Variants in RIMBP2 observed in about 807,000 individuals in gnomAD.
RIMBP2 encodes RIMS binding protein 2, also known as RIMS-binding protein 2.
In RIMBP2, 48 loss-of-function variants were observed where a neutral mutation model predicts 118.6. The ratio of observed to expected loss-of-function variants is 0.40; its 90% CI spans 0.32 to 0.51. The LOEUF (loss-of-function observed/expected upper bound fraction) is 0.51. Among genes scored for constraint, RIMBP2 ranks in the 20% least tolerant of loss-of-function variants. The pLI, the probability that RIMBP2 is intolerant of heterozygous loss-of-function variation, is 0.41. For synonymous variants in RIMBP2, 762 were observed against 742.9 expected (o/e 1.03, Z -0.42); for missense variants, 1,551 against 1,768.3 (o/e 0.88, Z 2.20).
intron 2 of RIMBP2, among the ~76,000 whole-genome samples, chr12:130,604,576 C>CTTTTT (rs1566349638): frequency 2.6e-5 from 2 of 76,274 alleles, no homozygotes; most frequent in East Asian, 5.2e-4. Context: ...TACAGATGCC[C>CTTTTT]CTTTTCTTTC....
At chr12:130,456,878 G>A (rs2079501136) in intron 6 of RIMBP2, among the ~76,000 whole-genome samples, 178 bp from the exon 7 acceptor site, 1 of 152,212 alleles carries the variant, frequency 6.6e-6, no homozygotes, top group Admixed American at 6.5e-5. Flanking sequence ...CATGTATCCT[G>A]TGTGCACGTG....
intron 15 of RIMBP2, chr12:130,426,166 G>A (rs900584030): frequency 6.6e-6 from 1 of 152,280 alleles, no homozygotes; most frequent in African/African-American, 2.4e-5. Flanking sequence ...ATCCGGCTCC[G>A]CTACAGCTCC....
At chr12:130,414,427 G>T in intron 17 of RIMBP2, 121 bp from the exon 18 acceptor site, 1 of 979,352 alleles carries the variant, frequency 1.0e-6, no homozygotes, top group Non-Finnish European at 1.5e-6. Flanking sequence ...TGTCTTTTTT[G>T]TGTCTTAACA....
intron 2 of RIMBP2, among the ~76,000 whole-genome samples, chr12:130,547,238 G>T (rs2055266853): frequency 6.6e-6 from 1 of 152,160 alleles, no homozygotes; most frequent in South Asian, 2.1e-4. Context: ...AAATCTTTAA[G>T]TGTGCATACG....
At chr12:130,414,370 A>G (rs1420990850) in intron 17 of RIMBP2, 64 bp from the exon 18 acceptor site, 1 of 1,480,568 alleles carries the variant, frequency 6.8e-7, no homozygotes, top group Non-Finnish European at 9.1e-7. Context: ...GTGCACGGGA[A>G]ATGCAGCTTT....
At chr12:130,524,301 G>A (rs2052515743) in intron 2 of RIMBP2, among the ~76,000 whole-genome samples, 1 of 152,102 alleles carries the variant, frequency 6.6e-6, no homozygotes, top group African/African-American at 2.4e-5. Flanking sequence ...TCTACCTGTG[G>A]TTCCAGAGGC....
chr12:130,715,429 G>A (rs1339214739), intron 1 of RIMBP2, among the ~76,000 whole-genome samples: 3 of 152,158 alleles, frequency 2.0e-5, no homozygotes, highest in Non-Finnish European at 4.4e-5. Flanking sequence ...TTCCACCGAG[G>A]CCTCTGCTGA....
intron 2 of RIMBP2, among the ~76,000 whole-genome samples, chr12:130,584,476 T>G (rs111068606): frequency 9.4e-6 from 1 of 106,186 alleles, no homozygotes; most frequent in African/African-American, 3.9e-5. Flanking sequence ...ATCACCTCAT[T>G]GCCATCACCA....
intron 1 of RIMBP2, among the ~76,000 whole-genome samples, chr12:130,630,119 TG>T (rs2061904820): frequency 6.6e-6 from 1 of 151,910 alleles, no homozygotes; most frequent in South Asian, 2.1e-4. Context: ...AAAATTTTAA[TG>T]GCAGATTTGG....
chr12:130,544,509 G>C (rs1274866574), intron 2 of RIMBP2, among the ~76,000 whole-genome samples: 1 of 151,378 alleles, frequency 6.6e-6, no homozygotes, highest in Non-Finnish European at 1.5e-5. Context: ...TAGCATCTTA[G>C]CACGCTGGTC....
chr12:130,473,561 G>A (rs967594678), intron 5 of RIMBP2, among the ~76,000 whole-genome samples: 6 of 152,140 alleles, frequency 3.9e-5, no homozygotes, highest in Admixed American at 2.0e-4. Flanking sequence ...ACGGGACAAC[G>A]GGCATTGGCT....
chr12:130,686,757 C>G (rs937523163), intron 1 of RIMBP2, among the ~76,000 whole-genome samples: 1 of 152,118 alleles, frequency 6.6e-6, no homozygotes, highest in Admixed American at 6.5e-5. Flanking sequence ...CTGCCAGCGC[C>G]GTCGGGGGCC....
At chr12:130,692,194 G>A (rs548514540) in intron 1 of RIMBP2, among the ~76,000 whole-genome samples, 4 of 152,222 alleles carry the variant, frequency 2.6e-5, no homozygotes, top group African/African-American at 7.2e-5. Context: ...CAGCATTCTC[G>A]GGACAGAAGT....
rs2078234441 is a variant in RIMBP2, at chr12:130,442,770, T to C, written c.692-110A>G. 2.2e-6 allele frequency: 2 copies of C among 926,170 alleles called. No individual in the cohort carries two copies. Among genetic ancestry groups the C allele is most frequent in the Non-Finnish European group, 3.2e-6 (2 of 622,934 alleles). 57.4% of individuals were successfully genotyped at this position (926,170 alleles called of 1,614,324 possible). A position where few individuals can be genotyped will look rare whatever the true frequency, so the allele number is the denominator to read the frequency against. ...GGACCATAAGGCAGAGCAACAGGGTTGCCCTGGGGCTCCTCCGCTGTTCCC... is the reference window on the plus strand; with the variant it reads ...GGACCATAAGGCAGAGCAACAGGGTCGCCCTGGGGCTCCTCCGCTGTTCCC... On this transcript the variant is annotated intron_variant, in intron 10 of 22. Transcript: ENST00000690449. The surrounding 1 kb of genome is among the most constrained non-coding windows in gnomAD (Gnocchi z 6.9).
intron 6 of RIMBP2, 88 bp from the exon 7 acceptor site, chr12:130,456,788 C>T: frequency 2.0e-6 from 2 of 1,000,886 alleles, no homozygotes; most frequent in Admixed American, 4.4e-5. Context: ...TGTACGTGTG[C>T]ACATGTGCAC....
chr12:130,421,691 A>ATGTGTGTGTGTGTGTG (rs35161782), intron 17 of RIMBP2, among the ~76,000 whole-genome samples: 1,535 of 147,250 alleles, frequency 0.01, 28 homozygotes, highest in African/African-American at 0.035. Context: ...CTGCATTTAT[A>ATGTGTGTGTGTGTGTG]TGTGTGTGTG....
chr12:130,699,799 G>T (rs1290578424), intron 1 of RIMBP2, among the ~76,000 whole-genome samples: 1 of 150,680 alleles, frequency 6.6e-6, no homozygotes, highest in African/African-American at 2.4e-5. Flanking sequence ...CCAGCTACTC[G>T]GGAGGCTGAG....
chr12:130,695,894 T>A (rs2065544782), intron 1 of RIMBP2, among the ~76,000 whole-genome samples: 1 of 151,826 alleles, frequency 6.6e-6, no homozygotes, highest in Non-Finnish European at 1.5e-5. Context: ...TCATGGTTGA[T>A]CCCAAGGCTT....
At chr12:130,573,754 G>A (rs750825163) in intron 2 of RIMBP2, among the ~76,000 whole-genome samples, 5 of 152,118 alleles carry the variant, frequency 3.3e-5, no homozygotes, top group Admixed American at 1.3e-4. Context: ...AGCCAAGTCA[G>A]CATGACACAG....
Sources: allele counts gnomAD v4.1 joint callset (sites outside exome capture counted in the v4.1 genomes callset), GRCh38; gene constraint gnomAD v4.1.1; non-coding constraint Gnocchi (gnomAD v3.1); transcripts MANE v1.5; gene names NCBI Gene and HGNC (gene_info 2026-07-23, HGNC 2026-07-21).